WWOX: variants seen among roughly 807,000 people sequenced by gnomAD.
WWOX encodes the protein WW domain-containing oxidoreductase.
WWOX carries 69 observed loss-of-function variants against 46.2 expected under a neutral mutation model. The observed-to-expected ratio is 1.49, with a 90% CI of 1.23 to 1.82. WWOX has a LOEUF of 1.82. Among genes scored for constraint, WWOX ranks in the 40% most tolerant of loss-of-function variants. The probability of loss-of-function intolerance (pLI) is 0.00; values close to 1 mark genes in which losing one functional copy is unlikely to be tolerated. For synonymous variants in WWOX, 359 were observed against 202.6 expected (o/e 1.77, Z -6.56); for missense variants, 919 against 542.6 (o/e 1.69, Z -6.89).
At chr16:78,774,864 G>T (rs1438839922) in intron 8 of WWOX, among the ~76,000 whole-genome samples, 1 of 152,152 alleles carries the variant, frequency 6.6e-6, no homozygotes, top group African/African-American at 2.4e-5. Context: ...TCCCCTTATT[G>T]AGCAGATGTT....
intron 8 of WWOX, among the ~76,000 whole-genome samples, chr16:78,585,678 TTTTTTTTTG>T (rs1318748639): frequency 2.7e-5 from 4 of 149,244 alleles, no homozygotes; most frequent in African/African-American, 1.0e-4. Flanking sequence ...GTTTTGGGTT[TTTTTTTTTG>T]TTTTTTTTTG....
At chr16:78,439,852 T>G (rs1401376958) in intron 8 of WWOX, among the ~76,000 whole-genome samples, 4 of 152,210 alleles carry the variant, frequency 2.6e-5, no homozygotes, top group African/African-American at 9.6e-5. Context: ...ATGGCTTCTG[T>G]GGTGCCAGCC....
At chr16:78,865,362 G>C (rs2043981211) in intron 8 of WWOX, among the ~76,000 whole-genome samples, 1 of 151,958 alleles carries the variant, frequency 6.6e-6, no homozygotes, top group Non-Finnish European at 1.5e-5. Context: ...AAAGAAGTAC[G>C]TCAGGTGAAG....
intron 8 of WWOX, among the ~76,000 whole-genome samples, chr16:78,446,657 CTTTTTTT>C (rs5818138): frequency 6.8e-5 from 6 of 88,122 alleles, no homozygotes; most frequent in Admixed American, 2.9e-4. Context: ...CAAGTGTATA[CTTTTTTT>C]TTTTTTTTTT....
chr16:78,200,924 G>A (rs901760875), intron 5 of WWOX, among the ~76,000 whole-genome samples: 1 of 152,122 alleles, frequency 6.6e-6, no homozygotes, highest in Non-Finnish European at 1.5e-5. Context: ...ACAGCAGACG[G>A]CAAACAGAAG....
chr16:78,446,003 C>A (rs971183620), intron 8 of WWOX, among the ~76,000 whole-genome samples: 2 of 152,086 alleles, frequency 1.3e-5, no homozygotes, highest in African/African-American at 4.8e-5. Context: ...TAGTCAAATG[C>A]GTAGCTGGCT....
chr16:78,766,268 C>T (rs557409498), intron 8 of WWOX, among the ~76,000 whole-genome samples: 4 of 152,300 alleles, frequency 2.6e-5, no homozygotes, highest in Admixed American at 2.6e-4. Context: ...CCTTGCTCTT[C>T]GTCATCTCTC....
intron 8 of WWOX, among the ~76,000 whole-genome samples, chr16:78,734,373 G>T (rs114828392): frequency 4.8e-4 from 73 of 152,224 alleles, no homozygotes; most frequent in African/African-American, 1.6e-3. Flanking sequence ...ATCGCTGTTT[G>T]GCCCCTAACA....
intron 8 of WWOX, among the ~76,000 whole-genome samples, chr16:78,676,173 T>C (rs2047594603): frequency 6.6e-6 from 1 of 151,898 alleles, no homozygotes; most frequent in Non-Finnish European, 1.5e-5. Flanking sequence ...CCGTGTCTTC[T>C]CTATAGCTTG....
At chr16:79,077,119 C>G (rs966552175) in intron 8 of WWOX, among the ~76,000 whole-genome samples, 11 of 152,214 alleles carry the variant, frequency 7.2e-5, no homozygotes, top group African/African-American at 2.7e-4. Flanking sequence ...GAACCCACTG[C>G]TCTCCAACCC....
chr16:78,560,746 T>C (rs2151557530), intron 8 of WWOX, among the ~76,000 whole-genome samples: 1 of 152,334 alleles, frequency 6.6e-6, no homozygotes, highest in African/African-American at 2.4e-5. Flanking sequence ...GCTATGGTGA[T>C]TGAGTTTTTG....
At position 78,560,708 on chromosome 16, in the gene WWOX, C is replaced by G. The variant is rs551900488; in HGVS notation, c.1056+127956C>G. Among the ~76,000 whole-genome samples, 9 of 152,016 alleles carry G rather than the reference C, an allele frequency of 5.9e-5. No individual in the cohort carries two copies. In the South Asian group the frequency reaches 1.9e-3, roughly 32 times the overall value. Reference sequence around the variant, plus strand: ...GTTAGTGATACATATCATTTTGAAACCAGTTCTTAAGCAATTAAAAAAAAG... The same window carrying G: ...GTTAGTGATACATATCATTTTGAAAGCAGTTCTTAAGCAATTAAAAAAAAG... On this transcript the variant is annotated intron_variant, in intron 8 of 8. Transcript: ENST00000566780.
At chr16:78,564,700 C>T (rs141543740) in intron 8 of WWOX, among the ~76,000 whole-genome samples, 15 of 152,332 alleles carry the variant, frequency 9.8e-5, no homozygotes, top group African/African-American at 3.6e-4. Flanking sequence ...TGGCACCCTT[C>T]TTCCTGGCTC....
At chr16:78,899,759 T>G (rs987613171) in intron 8 of WWOX, 1 of 152,226 alleles carries the variant, frequency 6.6e-6, no homozygotes, top group Non-Finnish European at 1.5e-5. Context: ...CCTGAAGAAT[T>G]GTGTGCAAAG....
intron 8 of WWOX, among the ~76,000 whole-genome samples, chr16:79,075,278 T>G (rs2048633421): frequency 6.6e-6 from 1 of 152,208 alleles, no homozygotes; most frequent in South Asian, 2.1e-4. Context: ...CTACATTCGT[T>G]TTTTAACCCA....
rs753780514 is a variant in WWOX, at chr16:78,278,631, A to G, written c.517-108229A>G. Reference sequence around the variant, plus strand: ...ACAAAATACCACCCTCCGCCAGAAAAGTGCAGAATAAAAATTTTCCACTAG... The same window carrying G: ...ACAAAATACCACCCTCCGCCAGAAAGGTGCAGAATAAAAATTTTCCACTAG... On this transcript the variant is annotated intron_variant, in intron 5 of 8. Transcript: ENST00000566780. The G allele has an allele frequency of 2.5e-6, 4 of 1,611,004 alleles. No individual in the cohort carries two copies. In the African/African-American group the frequency reaches 5.3e-5, roughly 22 times the overall value.
At chr16:78,873,155 A>C (rs372114262) in intron 8 of WWOX, 1 of 152,176 alleles carries the variant, frequency 6.6e-6, no homozygotes, top group Non-Finnish European at 1.5e-5. Flanking sequence ...TCTTGGTTCC[A>C]TGCGTATTCA....
At chr16:79,204,191 A>G (rs1301631700) in intron 8 of WWOX, 2 of 152,138 alleles carry the variant, frequency 1.3e-5, no homozygotes, top group African/African-American at 4.8e-5. Flanking sequence ...ACTTTGAGCA[A>G]TGTAGGTATC....
At position 78,846,397 on chromosome 16, in the gene WWOX, G is replaced by T. The variant is rs146865352; in HGVS notation, c.1057-365211G>T. On this transcript the variant is annotated intron_variant, in intron 8 of 8. Coordinates refer to ENST00000566780, the MANE Select transcript of WWOX (RefSeq NM_016373.4). The stretch of plus-strand genomic sequence containing the variant: ...TGGCATTTATTATCATATCTCTCCA[G>T]TCCCCTCTGGTCTGGGACAGTTTCT... Among the ~76,000 whole-genome samples, 133 of 151,952 alleles carry T rather than the reference G, an allele frequency of 8.8e-4. 2 individuals carry two copies. The highest frequency in any genetic ancestry group is 6.2e-3 in the East Asian group (32 of 5,162).
Sources: allele counts gnomAD v4.1 joint callset (sites outside exome capture counted in the v4.1 genomes callset), GRCh38; gene constraint gnomAD v4.1.1; transcripts MANE v1.5; gene names NCBI Gene and HGNC (gene_info 2026-07-23, HGNC 2026-07-21).